HMCN1: variants seen among roughly 807,000 people sequenced by gnomAD.
HMCN1 encodes the protein hemicentin-1.
Under a neutral mutation model 625.9 loss-of-function variants are expected in HMCN1, and 321 were observed. The observed-to-expected ratio is 0.51, with a 90% CI of 0.47 to 0.56. The LOEUF (loss-of-function observed/expected upper bound fraction) is 0.56, where lower values mean the gene tolerates loss of function less well. Among genes scored for constraint, HMCN1 ranks in the 20% least tolerant of loss-of-function variants. HMCN1 has a pLI of 0.00. For synonymous variants in HMCN1, 2,425 were observed against 2,417.6 expected (o/e 1.00, Z -0.09); for missense variants, 6,588 against 6,887.3 (o/e 0.96, Z 1.54).
At chr1:186,055,067 T>A (rs1657222600) in intron 44 of HMCN1, among the ~76,000 whole-genome samples, 1 of 151,990 alleles carries the variant, frequency 6.6e-6, no homozygotes, top group Admixed American at 6.6e-5. Context: ...CTATTTTAAA[T>A]AAGTATTAGG....
intron 42 of HMCN1, 72 bp from the exon 43 acceptor site, chr1:186,052,880 A>G: frequency 7.7e-7 from 1 of 1,295,604 alleles, no homozygotes; most frequent in Non-Finnish European, 1.1e-6. Context: ...GAAGCCTTTT[A>G]TCTTACATGT....
chr1:185,738,643 C>A (rs541905290), intron 1 of HMCN1, among the ~76,000 whole-genome samples: 118 of 152,286 alleles, frequency 7.7e-4, no homozygotes, highest in African/African-American at 2.7e-3. Flanking sequence ...AAGCTGTTTT[C>A]CAAAGCAGCT....
chr1:186,112,501 C>T (rs1033016280), intron 71 of HMCN1, among the ~76,000 whole-genome samples: 1 of 152,190 alleles, frequency 6.6e-6, no homozygotes, highest in African/African-American at 2.4e-5. Context: ...AAAGGGCACA[C>T]CCTTTCCCCG....
chr1:186,087,009 T>TATG (rs1659539647), intron 58 of HMCN1, among the ~76,000 whole-genome samples: 2 of 152,152 alleles, frequency 1.3e-5, no homozygotes, highest in Admixed American at 1.3e-4. Flanking sequence ...AGAAAAATTC[T>TATG]ATGAATCTCT....
chr1:186,086,433 G>A, intron 58 of HMCN1, 26 bp downstream of exon 58: 1 of 1,609,640 alleles, frequency 6.2e-7, no homozygotes, highest in South Asian at 1.1e-5. Context: ...TTATAAAGCA[G>A]GCAAAATTTT....
chr1:186,035,846 AAC>A (rs1655783239), intron 36 of HMCN1, among the ~76,000 whole-genome samples: 1 of 152,152 alleles, frequency 6.6e-6, no homozygotes, highest in South Asian at 2.1e-4. Context: ...CAAATCCCCA[AAC>A]ACACACATAC....
At chr1:186,027,730 T>C (rs1026359145) in intron 36 of HMCN1, among the ~76,000 whole-genome samples, 1 of 152,196 alleles carries the variant, frequency 6.6e-6, no homozygotes, top group South Asian at 2.1e-4. Flanking sequence ...CACTGCACCA[T>C]TTTCATAAAT....
intron 100 of HMCN1, among the ~76,000 whole-genome samples, chr1:186,168,619 T>TTTTC (rs1206329242): frequency 1.3e-5 from 2 of 152,098 alleles, no homozygotes; most frequent in Non-Finnish European, 2.9e-5. Flanking sequence ...CTATGGTGAT[T>TTTTC]TTTCTTTTGA....
In HMCN1 at chr1:186,153,839, A is replaced by T; in HGVS notation, c.15108A>T (p.Pro5036=). 2.5e-6 allele frequency: 4 copies of T among 1,614,188 alleles called. No homozygotes were observed. Among genetic ancestry groups the T allele is most frequent in the Non-Finnish European group, 3.4e-6 (4 of 1,180,018 alleles). Residue 5036 remains proline (P), a synonymous_variant, in exon 97 of 107, where the codon CCA becomes CCT. Coordinates refer to ENST00000271588, the MANE Select transcript of HMCN1 (RefSeq NM_031935.3). ...RLFTIDGISI[P]YTWNHTVFYD... ...TCACCATTGATGGCATCAGCATCCCATACACATGGAACCACACCGTTTTCT... is the reference window on the plus strand; with the variant it reads ...TCACCATTGATGGCATCAGCATCCCTTACACATGGAACCACACCGTTTTCT...
chr1:186,088,308 G>C, intron 62 of HMCN1, 32 bp downstream of exon 62: 1 of 1,611,670 alleles, frequency 6.2e-7, no homozygotes, highest in South Asian at 1.1e-5. Context: ...GTGTGTGTGT[G>C]TGTTTTTTTC....
Position 186,055,360 on chromosome 1 carries a change from T to A in HMCN1, c.6863-33T>A, listed in dbSNP as rs1648500546. ...TAAGACTTGAAGCAAACATTTCCTC[T>A]TTTGTTTCTTTTTATCTTCCTCCAA... On this transcript the variant is annotated intron_variant, in intron 44 of 106. Coordinates refer to ENST00000271588, the MANE Select transcript of HMCN1 (RefSeq NM_031935.3). The A allele has an allele frequency of 1.9e-6, 3 of 1,605,392 alleles. No homozygotes were observed. In the South Asian group the frequency reaches 3.3e-5, roughly 18 times the overall value.
chr1:185,884,161 T>C (rs1432721751), intron 4 of HMCN1, among the ~76,000 whole-genome samples: 1 of 151,880 alleles, frequency 6.6e-6, no homozygotes, highest in Non-Finnish European at 1.5e-5. Context: ...AATTTCACCA[T>C]GTATTCAATG....
chr1:186,154,199 C>T (rs1178850504), intron 97 of HMCN1, among the ~76,000 whole-genome samples: 2 of 152,190 alleles, frequency 1.3e-5, no homozygotes, highest in Admixed American at 6.5e-5. Flanking sequence ...CTTCATACTA[C>T]ACAGTGGGGT....
Position 185,925,062 on chromosome 1 carries a change from C to T in HMCN1, c.1301C>T (p.Thr434Met), listed in dbSNP as rs369085610. 2.3e-5 allele frequency: 37 copies of T among 1,612,352 alleles called. No individual in the cohort carries two copies. Among genetic ancestry groups the T allele is most frequent in the African/African-American group, 1.1e-4 (8 of 74,788 alleles). The change falls in exon 9 of 107, where the codon ACG becomes ATG. Residue 434 changes from threonine to methionine, a missense_variant. Coordinates refer to ENST00000271588, the MANE Select transcript of HMCN1 (RefSeq NM_031935.3). ...SSIVPDAPKVTMPEKTPGYYL... is the reference protein window; with the variant it reads ...SSIVPDAPKVMMPEKTPGYYL... ...TTTTTCCTAGATGCTCCCAAAGTTA[C>T]GATGCCTGAGAAAACCCCAGGATAC...
intron 46 of HMCN1, 56 bp downstream of exon 46, chr1:186,057,457 C>T: frequency 8.2e-7 from 1 of 1,216,842 alleles, no homozygotes; most frequent in Middle Eastern, 1.9e-4. Context: ...GCTACAATTT[C>T]TCCTTAATTT....
chr1:185,746,707 C>T (rs1448536643), intron 1 of HMCN1, among the ~76,000 whole-genome samples: 3 of 150,568 alleles, frequency 2.0e-5, no homozygotes, highest in African/African-American at 2.5e-5. Context: ...CAGGTTCTAG[C>T]GATTCTGCCT....
chr1:185,762,308 A>C (rs1374488496), intron 1 of HMCN1, among the ~76,000 whole-genome samples: 2 of 152,180 alleles, frequency 1.3e-5, no homozygotes, highest in Non-Finnish European at 2.9e-5. Context: ...TCAGCAAGAC[A>C]AGCTTTGCTG....
chr1:186,138,088 TGA>T, intron 89 of HMCN1, 116 bp downstream of exon 89: 1 of 1,081,912 alleles, frequency 9.2e-7, no homozygotes, highest in South Asian at 1.3e-5. Context: ...CCTCTACCCT[TGA>T]GAATATGTTC....
intron 43 of HMCN1, 63 bp downstream of exon 43, chr1:186,053,137 T>G (rs1303486295): frequency 6.9e-7 from 1 of 1,450,310 alleles, no homozygotes; most frequent in African/African-American, 1.4e-5. Context: ...TTGATTTCGT[T>G]TAATAAATGT....
Sources: allele counts gnomAD v4.1 joint callset (sites outside exome capture counted in the v4.1 genomes callset), GRCh38; gene constraint gnomAD v4.1.1; transcripts MANE v1.5; gene names NCBI Gene and HGNC (gene_info 2026-07-23, HGNC 2026-07-21).